The following ERCC2 variants were observed in gnomAD, a reference collection of about 807,000 sequenced individuals.
ERCC2 encodes general transcription and DNA repair factor IIH helicase subunit XPD.
Under a neutral mutation model 99.4 loss-of-function variants are expected in ERCC2, and 90 were observed. The observed-to-expected ratio is 0.91, with a 90% CI of 0.76 to 1.08. The LOEUF is 1.08. ERCC2 is among the 50% of genes least tolerant of loss of function. ERCC2 has a pLI of 0.00. For missense variants in ERCC2, 993 were observed against 1,038.1 expected (o/e 0.96, Z 0.60); for synonymous variants, 497 against 432.4 (o/e 1.15, Z -1.85).
chr19:45,350,129 T>G lies in ERCC2; in HGVS notation c.*1500A>C. On this transcript the variant is annotated 3_prime_UTR_variant, in exon 23 of 23. Transcript: ENST00000391945. ...GGAAGGATACGGCCAGGTCAGCACA[T>G]TAGAAAGTGGGGCCAGACGTGGTGG... 1 of 576,008 alleles carries G rather than the reference T, an allele frequency of 1.7e-6. No individual in the cohort carries two copies. Among genetic ancestry groups the G allele is most frequent in the Non-Finnish European group, 3.1e-6 (1 of 323,624 alleles). The allele number at this position is 576,008 out of a possible 1,614,324, so 35.7% of individuals were successfully genotyped here.
At chr19:45,367,765 G>A (rs928781275) in intron 5 of ERCC2, among the ~76,000 whole-genome samples, 13 of 151,772 alleles carry the variant, frequency 8.6e-5, no homozygotes, top group Non-Finnish European at 1.5e-4. Flanking sequence ...CACCCGCCTC[G>A]GCCTCCCAAA....
chr19:45,359,662 T>C (rs1303592904), intron 12 of ERCC2, among the ~76,000 whole-genome samples: 1 of 151,878 alleles, frequency 6.6e-6, no homozygotes, highest in East Asian at 1.9e-4. Flanking sequence ...CCCACATCTC[T>C]CTCCAAACCA....
At chr19:45,366,894 GCGTGGTGGTGGGTGC>G (rs1396871454) in intron 5 of ERCC2, among the ~76,000 whole-genome samples, 2 of 152,080 alleles carry the variant, frequency 1.3e-5, no homozygotes, top group Non-Finnish European at 2.9e-5. Flanking sequence ...AACTAGCAGG[GCGTGGTGGTGGGTGC>G]CTGTAATCCC....
chr19:45,367,127 G>A (rs1294217990), intron 5 of ERCC2, among the ~76,000 whole-genome samples: 1 of 151,990 alleles, frequency 6.6e-6, no homozygotes, highest in African/African-American at 2.4e-5. Context: ...TCACAAGGTC[G>A]GGAGTTAGAG....
intron 15 of ERCC2, 35 bp from the exon 16 acceptor site, chr19:45,355,763 G>A (rs1438108186): frequency 2.5e-6 from 4 of 1,580,514 alleles, no homozygotes; most frequent in East Asian, 2.2e-5. Flanking sequence ...AAGCGAGGCA[G>A]CAGCAACTGC....
Position 45,352,712 on chromosome 19 carries a change from ACTGTGGGACTCC to A in ERCC2, c.1902+22_1902+33del, listed in dbSNP as rs1440826635. On this transcript the variant is annotated intron_variant, in intron 20 of 22. Transcript: ENST00000391945. ...GAGCCACTCCTCCCTTGATCCTAAC[ACTGTGGGACTCC>A]CTGGGAGACAGAGCTACTCACCTTG... 3.7e-6 allele frequency: 6 copies of A among 1,613,784 alleles called. No homozygotes were observed. In the Admixed American group the frequency reaches 6.7e-5, roughly 18 times the overall value.
In ERCC2 at chr19:45,370,184, G is replaced by A. The variant is rs143614672; in HGVS notation, c.54C>T (p.Tyr18=). The stretch of plus-strand genomic sequence containing the variant: ...CCCGCATGTAGGAGAACTGCTCGGG[G>A]TAGATGTAGTCGTACGGGAAGTAGA... The part of the protein sequence containing the change: ...LLVYFPYDYI[Y]PEQFSYMREL... The change falls in exon 2 of 23, where the codon TAC becomes TAT. Residue 18 remains tyrosine, a synonymous_variant. Coordinates refer to ENST00000391945, the MANE Select transcript of ERCC2 (RefSeq NM_000400.4). 3.1e-5 allele frequency: 50 copies of A among 1,613,558 alleles called. No individual in the cohort carries two copies. The East Asian group carries it at 7.6e-4, about 24-fold the overall frequency.
Position 45,352,778 on chromosome 19 carries a change from G to T in ERCC2, c.1870C>A (p.Pro624Thr). 1 of 1,606,746 alleles carries T rather than the reference G, an allele frequency of 6.2e-7. No homozygotes were observed. The highest frequency in any genetic ancestry group is 1.1e-5 in the South Asian group (1 of 90,720). The stretch of plus-strand genomic sequence containing the variant: ...ATGCGGCTCTGTGTGTAGACGTAGG[G>T]GACGCCAAACATGATGACGGCCCGC... ...YGRAVIMFGV[P>T]YVYTQSRILK... Residue 624 changes from proline (P) to threonine (T), a missense_variant, in exon 20 of 23, where the codon CCC becomes ACC. Transcript: ENST00000391945.
intron 12 of ERCC2, among the ~76,000 whole-genome samples, chr19:45,359,975 A>AT (rs1328050623): frequency 1.3e-5 from 2 of 151,738 alleles, no homozygotes; most frequent in African/African-American, 2.4e-5. Flanking sequence ...GGGTTTCACC[A>AT]TATTGGTCAG....
chr19:45,364,715 C>G, intron 7 of ERCC2, 123 bp downstream of exon 7: 8 of 1,256,038 alleles, frequency 6.4e-6, no homozygotes, highest in Non-Finnish European at 8.1e-6. Context: ...GGGCACCCAC[C>G]AACAGGGAGA....
Position 45,364,841 on chromosome 19 carries a change from G to C in ERCC2, c.591C>G (p.Tyr197Ter). 1 of 1,609,094 alleles carries C rather than the reference G, an allele frequency of 6.2e-7. No individual in the cohort carries two copies. Among genetic ancestry groups the C allele is most frequent in the Non-Finnish European group, 8.5e-7 (1 of 1,175,456 alleles). The change falls in exon 7 of 23, where the codon TAC (tyrosine) becomes TAG (stop). Residue 197 changes from tyrosine (Y) to a stop codon, truncating the protein, a stop_gained. Transcript: ENST00000391945. LOFTEE classifies it high-confidence loss of function. ...CCCATCCCACCAGCCTCCTCACTGA[G>C]TATCGAGCAAGGAAGTATGGGCACC... ...QGWCPYFLAR[Y>*]SILHANVVVY... is the part of the protein sequence containing the mutation.
chr19:45,361,543 A>G lies in ERCC2; in HGVS notation c.1218T>C (p.Leu406=), dbSNP rs747732605. 1 of 1,613,568 alleles carries G rather than the reference A, an allele frequency of 6.2e-7. No homozygotes were observed. Among genetic ancestry groups the G allele is most frequent in the South Asian group, 1.1e-5 (1 of 91,066 alleles). The change falls in exon 12 of 23, where the codon CTT becomes CTC. Residue 406 remains leucine (L), a synonymous_variant. Coordinates refer to ENST00000391945, the MANE Select transcript of ERCC2 (RefSeq NM_000400.4). The part of the protein sequence containing the change: ...PLTLLANFAT[L]VSTYAKGFTI... ...GCTTACCTTTGGCGTAGGTGCTGAC[A>G]AGGGTGGCAAAGTTAGCAAGGAGGG...
Position 45,368,649 on chromosome 19 carries a change from T to C in ERCC2, c.341A>G (p.Asn114Ser). The part of the protein sequence containing the change: ...FLGLALSSRK[N>S]LCIHPEVTPL... ...GCTCACCTCAGGGTGAATACACAAG[T>C]TTTTGCGGGAGCTCAGAGCCAGTCC... Residue 114 changes from asparagine (N) to serine (S), a missense_variant, in exon 5 of 23, where the codon AAC (asparagine) becomes AGC (serine). Physicochemically the swap from Asn to Ser is conservative, Grantham distance 46 (BLOSUM62 1). Coordinates refer to ENST00000391945, the MANE Select transcript of ERCC2 (RefSeq NM_000400.4). 1 of 1,613,044 alleles carries C rather than the reference T, an allele frequency of 6.2e-7. No individual in the cohort carries two copies. The highest frequency in any genetic ancestry group is 8.5e-7 in the Non-Finnish European group (1 of 1,179,014).
At position 45,363,711 on chromosome 19, in the gene ERCC2, G is replaced by A. The variant is rs746133313; in HGVS notation, c.1118+32C>T. ...GCTCTGCATAACCGGGACCTGCCGG[G>A]CCCCCACCCCGCGCGCTGTCTGGGG... On this transcript the variant is annotated intron_variant, in intron 11 of 22. Transcript: ENST00000391945. The A allele has an allele frequency of 6.8e-5, 104 of 1,521,014 alleles. 2 individuals are homozygous for A. In the South Asian group the frequency reaches 1.2e-3, roughly 17 times the overall value. 94.2% of individuals were successfully genotyped at this position (1,521,014 alleles called of 1,614,324 possible). A position where few individuals can be genotyped will look rare whatever the true frequency, so the allele number is the denominator to read the frequency against.
chr19:45,370,152 T>C lies in ERCC2; in HGVS notation c.86A>G (p.Lys29Arg). Residue 29 changes from lysine (K) to arginine (R), a missense_variant, in exon 2 of 23, where the codon AAA becomes AGA. Physicochemically the swap from Lys to Arg is conservative, Grantham distance 26 (BLOSUM62 2). Coordinates refer to ENST00000391945, the MANE Select transcript of ERCC2 (RefSeq NM_000400.4). ...ACCCACCTTGGCGTCCAGCGTGCGTTTGAGCTCCCGCATGTAGGAGAACTG... is the reference window on the plus strand; with the variant it reads ...ACCCACCTTGGCGTCCAGCGTGCGTCTGAGCTCCCGCATGTAGGAGAACTG... ...PEQFSYMREL[K>R]RTLDAKGHGV... is the part of the protein sequence containing the mutation. 6.2e-7 allele frequency: 1 copy of C among 1,613,116 alleles called. No homozygotes were observed. The highest frequency in any genetic ancestry group is 8.5e-7 in the Non-Finnish European group (1 of 1,179,302).
chr19:45,350,231 G>A lies in ERCC2; in HGVS notation c.*1398C>T. ...GAGGCTAGGAGTTCAAGACCAGCCT[G>A]GGCAACATACCAAGACCCCTGTCTC... is the stretch of plus-strand genomic sequence containing the variant. On this transcript the variant is annotated 3_prime_UTR_variant, in exon 23 of 23. Transcript: ENST00000391945. 5.1e-6 allele frequency: 4 copies of A among 781,280 alleles called. No homozygotes were observed. The highest frequency in any genetic ancestry group is 6.2e-6 in the Non-Finnish European group (3 of 485,122). The allele number at this position is 781,280 out of a possible 1,614,324, so 48.4% of individuals were successfully genotyped here.
At chr19:45,352,910 G>T in intron 19 of ERCC2, 94 bp from the exon 20 acceptor site, 11 of 1,305,240 alleles carry the variant, frequency 8.4e-6, no homozygotes, top group Non-Finnish European at 1.2e-5. Context: ...TGTCTGAGTT[G>T]GGGGGAGAGG....
Position 45,350,669 on chromosome 19 carries a change from A to ACG in ERCC2, c.*959_*960insCG, listed in dbSNP as rs1568527752. 4.3e-6 allele frequency: 7 copies of ACG among 1,613,532 alleles called. No homozygotes were observed. In the Admixed American group the frequency reaches 8.3e-5, roughly 19 times the overall value. ...CTTCGCCGCAGCAGCTCACTCTCCAAGATCCGTGAGTCTATCAGGCGAGGA... is the reference window on the plus strand; with the variant it reads ...CTTCGCCGCAGCAGCTCACTCTCCAACGGATCCGTGAGTCTATCAGGCGAGGA... On this transcript the variant is annotated 3_prime_UTR_variant, in exon 23 of 23. Coordinates refer to ENST00000391945, the MANE Select transcript of ERCC2 (RefSeq NM_000400.4).
At chr19:45,357,213 G>A in intron 15 of ERCC2, 57 bp downstream of exon 15, 15 of 1,284,978 alleles carry the variant, frequency 1.2e-5, no homozygotes, top group Non-Finnish European at 1.6e-5. Context: ...AAGGAAGGAG[G>A]GCGGCCCCTT....
Sources: gnomAD v4.1 joint callset for allele counts (sites outside exome capture counted in the v4.1 genomes callset) on GRCh38, gnomAD v4.1.1 for gene constraint, MANE v1.5 for transcripts, NCBI Gene and HGNC (gene_info 2026-07-23, HGNC 2026-07-21) for gene names.